HAO1: variants seen among roughly 807,000 people sequenced by gnomAD.
The protein encoded by HAO1 is hydroxyacid oxidase 1.
HAO1 carries 34 observed loss-of-function variants against 39.7 expected under a neutral mutation model. The observed-to-expected ratio is 0.86, with a 90% CI of 0.65 to 1.14. The LOEUF (loss-of-function observed/expected upper bound fraction) is 1.14. Ranked by LOEUF, HAO1 falls within the 50% of genes most tolerant of loss-of-function variation. The pLI is 0.00. For synonymous variants in HAO1, 172 were observed against 173.2 expected, an observed-to-expected ratio of 0.99 and a Z score of 0.05; for missense variants, 479 against 464.5, an observed-to-expected ratio of 1.03 and a Z score of -0.29.
intron 2 of HAO1, among the ~76,000 whole-genome samples, chr20:7,921,062 A>G (rs956679487): frequency 6.6e-6 from 1 of 151,894 alleles, no homozygotes; most frequent in African/African-American, 2.4e-5. Context: ...TAATATCCAA[A>G]AAAAAAAATA....
intron 5 of HAO1, among the ~76,000 whole-genome samples, chr20:7,887,028 T>C (rs1027708395): frequency 7.2e-5 from 11 of 152,202 alleles, no homozygotes; most frequent in Non-Finnish European, 1.3e-4. Context: ...GTACCAAGCC[T>C]AGATCAGTAG....
At position 7,883,282 on chromosome 20, in the gene HAO1, A is replaced by G; in HGVS notation, c.*311T>C. Reference sequence around the variant, plus strand: ...TTCACCTTAGTGTTTGCTACCTCCAATTTTACTAAAGGATACAGCACTTTA... The same window carrying G: ...TTCACCTTAGTGTTTGCTACCTCCAGTTTTACTAAAGGATACAGCACTTTA... On this transcript the variant is annotated 3_prime_UTR_variant, in exon 8 of 8. Coordinates refer to ENST00000378789, the MANE Select transcript of HAO1 (RefSeq NM_017545.3). The G allele has an allele frequency of 2.9e-6, 1 of 344,892 alleles. No individual in the cohort carries two copies. The highest frequency in any genetic ancestry group is 5.4e-6 in the Non-Finnish European group (1 of 184,648). 21.4% of individuals were successfully genotyped at this position (344,892 alleles called of 1,614,324 possible). A position where few individuals can be genotyped will look rare whatever the true frequency, so the allele number is the denominator to read the frequency against.
chr20:7,940,228 T>C lies in HAO1; in HGVS notation c.137+58A>G, dbSNP rs533573700. 7.9e-6 allele frequency: 11 copies of C among 1,395,100 alleles called. No individual in the cohort carries two copies. The South Asian group carries it at 1.2e-4, about 15-fold the overall frequency. 86.4% of individuals were successfully genotyped at this position (1,395,100 alleles called of 1,614,324 possible). A position where few individuals can be genotyped will look rare whatever the true frequency, so the allele number is the denominator to read the frequency against. On this transcript the variant is annotated intron_variant, in intron 1 of 7. Transcript: ENST00000378789. Reference sequence around the variant, plus strand: ...ACCAACGTAAAACTAGGAGATCTTATTTTGGTACGGTCTTTGTGTAATTTT... The same window carrying C: ...ACCAACGTAAAACTAGGAGATCTTACTTTGGTACGGTCTTTGTGTAATTTT...
intron 1 of HAO1, among the ~76,000 whole-genome samples, chr20:7,939,400 G>A (rs557615795): frequency 2.0e-5 from 3 of 152,272 alleles, no homozygotes; most frequent in East Asian, 3.9e-4. Context: ...GATTTTGAGT[G>A]ATTTTGTTGT....
intron 1 of HAO1, among the ~76,000 whole-genome samples, chr20:7,937,015 A>G (rs2050415848): frequency 6.6e-6 from 1 of 152,148 alleles, no homozygotes; most frequent in East Asian, 1.9e-4. Context: ...GAATTGGTTC[A>G]ACTGGCAAAC....
chr20:7,906,031 G>T, intron 4 of HAO1, 123 bp downstream of exon 4: 1 of 739,684 alleles, frequency 1.4e-6, no homozygotes, highest in Non-Finnish European at 2.4e-6. Flanking sequence ...AGAATTGAGA[G>T]TTGGAATGTC....
intron 1 of HAO1, among the ~76,000 whole-genome samples, chr20:7,940,085 T>G (rs2050433655): frequency 6.6e-6 from 1 of 152,198 alleles, no homozygotes; most frequent in Non-Finnish European, 1.5e-5. Flanking sequence ...TGCAGTCAGT[T>G]CCTCAAGATT....
At chr20:7,889,487 A>C (rs1458361504) in intron 5 of HAO1, among the ~76,000 whole-genome samples, 1 of 152,190 alleles carries the variant, frequency 6.6e-6, no homozygotes, top group Non-Finnish European at 1.5e-5. Flanking sequence ...ATTACTTCAA[A>C]TCCAATCTGG....
intron 4 of HAO1, among the ~76,000 whole-genome samples, chr20:7,900,842 C>A (rs1380539614): frequency 6.6e-6 from 1 of 152,194 alleles, no homozygotes; most frequent in East Asian, 1.9e-4. Context: ...CAAGACAGGA[C>A]AAAAGCTAGG....
intron 4 of HAO1, among the ~76,000 whole-genome samples, chr20:7,905,141 T>C (rs1326858127): frequency 6.6e-6 from 1 of 152,142 alleles, no homozygotes. Context: ...TATGCATATG[T>C]ACAACTATTA....
chr20:7,890,136 G>A (rs149970009), intron 5 of HAO1, among the ~76,000 whole-genome samples: 1 of 152,242 alleles, frequency 6.6e-6, no homozygotes, highest in African/African-American at 2.4e-5. Context: ...TTGCTCTAAA[G>A]TGTGAGGCAA....
At chr20:7,886,998 G>A (rs1186098491) in intron 5 of HAO1, among the ~76,000 whole-genome samples, 1 of 152,068 alleles carries the variant, frequency 6.6e-6, no homozygotes, top group Non-Finnish European at 1.5e-5. Flanking sequence ...GCTGACAATT[G>A]GATACCAGCC....
Position 7,903,695 on chromosome 20 carries a change from T to C in HAO1, c.721+2459A>G, listed in dbSNP as rs565612837. 8.0e-4 allele frequency among the ~76,000 whole-genome samples: 119 copies of C among 148,500 alleles called. No homozygotes were observed. In the Middle Eastern group the frequency reaches 0.014, roughly 18 times the overall value. ...TGGTGGTGGTTGTTCCTGGTAATGGTGGTGTTGATGGAGGTTGTGGCTATG... is the reference window on the plus strand; with the variant it reads ...TGGTGGTGGTTGTTCCTGGTAATGGCGGTGTTGATGGAGGTTGTGGCTATG... On this transcript the variant is annotated intron_variant, in intron 4 of 7. Transcript: ENST00000378789.
In HAO1 at chr20:7,885,740, A is replaced by T; in HGVS notation, c.938T>A (p.Val313Glu). The T allele has an allele frequency of 6.2e-7, 1 of 1,613,776 alleles. No homozygotes were observed. The highest frequency in any genetic ancestry group is 8.5e-7 in the Non-Finnish European group (1 of 1,179,738). The part of the protein sequence containing the change: ...ALALGAKAVF[V>E]GRPIVWGLAF... The stretch of plus-strand genomic sequence containing the variant: ...TAAGCCCCAAACGATTGGTCTCCCC[A>T]CAAACACAGCCTTGGCGCCAAGAGC... The change falls in exon 6 of 8, where the codon GTG becomes GAG. Residue 313 changes from valine (V) to glutamate (E), a missense_variant. Physicochemically the swap from Val to Glu is moderately radical, Grantham distance 121 (BLOSUM62 -2). Transcript: ENST00000378789.
At chr20:7,883,708 TAATC>T in intron 7 of HAO1, 45 bp from the exon 8 acceptor site, 2 of 1,298,716 alleles carry the variant, frequency 1.5e-6, no homozygotes, top group Non-Finnish European at 2.2e-6. Context: ...AATGCAATAA[TAATC>T]AGGCAGGTAA....
chr20:7,913,291 G>A (rs985986122), intron 3 of HAO1, among the ~76,000 whole-genome samples: 15 of 151,520 alleles, frequency 9.9e-5, no homozygotes, highest in Admixed American at 3.9e-4. Flanking sequence ...GGATGCTGTA[G>A]GAGTCCATCA....
chr20:7,893,954 T>G (rs1326089882), intron 5 of HAO1, among the ~76,000 whole-genome samples: 1 of 152,064 alleles, frequency 6.6e-6, no homozygotes, highest in African/African-American at 2.4e-5. Flanking sequence ...TAGTATTCCC[T>G]GAGCACATCT....
intron 4 of HAO1, among the ~76,000 whole-genome samples, chr20:7,901,600 T>C (rs932935893): frequency 1.3e-5 from 2 of 152,194 alleles, no homozygotes; most frequent in African/African-American, 4.8e-5. Context: ...AGAGCTCTGG[T>C]GGAAGAACAC....
chr20:7,928,001 A>G (rs1352843229), intron 2 of HAO1, among the ~76,000 whole-genome samples: 1 of 152,212 alleles, frequency 6.6e-6, no homozygotes. Context: ...TAAATAATAA[A>G]GTCAAATTGC....
Sources: gnomAD v4.1 joint callset for allele counts (sites outside exome capture counted in the v4.1 genomes callset) on GRCh38, gnomAD v4.1.1 for gene constraint, MANE v1.5 for transcripts, NCBI Gene and HGNC (gene_info 2026-07-23, HGNC 2026-07-21) for gene names.